Variants in PRSS22 observed in about 807,000 individuals in gnomAD.
PRSS22 encodes brain-specific serine protease 4.
In PRSS22, 26 loss-of-function variants were observed where a neutral mutation model predicts 28.0. That is an observed-to-expected ratio of 0.93 (90% CI 0.68 to 1.29). The LOEUF is 1.29. Among genes scored for constraint, PRSS22 ranks in the 50% most tolerant of loss-of-function variants. PRSS22 has a pLI of 0.00. For synonymous variants in PRSS22, 217 were observed against 177.9 expected (o/e 1.22, Z -1.75); for missense variants, 444 against 422.1 (o/e 1.05, Z -0.46).
In PRSS22 at chr16:2,855,824, A is replaced by G; in HGVS notation, c.309T>C (p.Ser103=). ...CCAGCTGCCAGGCCCCCAGCAGCAC[A>G]GAGAACAGGTATGGTTTGTTCAGGT... The part of the protein sequence containing the change: ...KDNLNKPYLF[S]VLLGAWQLGN... The change falls in exon 4 of 6, where the codon TCT becomes TCC. Residue 103 remains serine, a synonymous_variant. Coordinates refer to ENST00000161006, the MANE Select transcript of PRSS22 (RefSeq NM_022119.4). The G allele has an allele frequency of 6.2e-7, 1 of 1,613,400 alleles. No individual in the cohort carries two copies. Among genetic ancestry groups the G allele is most frequent in the Non-Finnish European group, 8.5e-7 (1 of 1,179,986 alleles).
At chr16:2,854,242 T>C in intron 4 of PRSS22, 1 of 537,202 alleles carries the variant, frequency 1.9e-6, no homozygotes, top group South Asian at 2.7e-5. Flanking sequence ...CCTAAGACCC[T>C]ACCTCTTTAA....
Position 2,855,750 on chromosome 16 carries a change from G to T in PRSS22, c.383C>A (p.Pro128His). The T allele has an allele frequency of 6.2e-7, 1 of 1,614,152 alleles. No individual in the cohort carries two copies. The highest frequency in any genetic ancestry group is 8.5e-7 in the Non-Finnish European group (1 of 1,180,030). ...TTCCTTCCAGGAATACACAGGGTGG[G>T]GCTCCACCCAGGCAACACCCACCTT... ...SQKVGVAWVE[P>H]HPVYSWKEGA... Residue 128 changes from proline to histidine, a missense_variant, in exon 4 of 6, where the codon CCC becomes CAC. Transcript: ENST00000161006.
At chr16:2,854,943 C>G (rs1049035852) in intron 4 of PRSS22, among the ~76,000 whole-genome samples, 1 of 152,062 alleles carries the variant, frequency 6.6e-6, no homozygotes, top group Non-Finnish European at 1.5e-5. Context: ...TTATATTCAC[C>G]CTGTATTCAG....
At position 2,853,490 on chromosome 16, in the gene PRSS22, C is replaced by T. The variant is rs1041574422; in HGVS notation, c.718-161G>A. ...CTCCACCCAGGTGAGAAGTCCCCGG[C>T]GGCAGAGTAGGAGCTGCAGCCAGGC... On this transcript the variant is annotated intron_variant, in intron 5 of 5. Transcript: ENST00000161006. The surrounding 1 kb of genome is among the most constrained non-coding windows in gnomAD (Gnocchi z 4.6). 6.6e-6 allele frequency among the ~76,000 whole-genome samples: 1 copy of T among 152,208 alleles called. No individual in the cohort carries two copies. Among genetic ancestry groups the T allele is most frequent in the Non-Finnish European group, 1.5e-5 (1 of 68,026 alleles).
In PRSS22 at chr16:2,853,736, G is replaced by C; in HGVS notation, c.717+129C>G. The C allele has an allele frequency of 4.9e-6, 5 of 1,028,384 alleles. No individual in the cohort carries two copies. The highest frequency in any genetic ancestry group is 7.0e-6 in the Non-Finnish European group (5 of 714,854). 63.7% of individuals were successfully genotyped at this position (1,028,384 alleles called of 1,614,324 possible). A position where few individuals can be genotyped will look rare whatever the true frequency, so the allele number is the denominator to read the frequency against. On this transcript the variant is annotated intron_variant, in intron 5 of 5. Transcript: ENST00000161006. This position sits in a 1 kb window ranked among gnomAD's most constrained non-coding sequence, Gnocchi z 4.6. ...TGAGGCTGGTTCTATGGGGACCCGG[G>C]ACTGTCAGGCACAGCCAGTTCTGGG...
intron 4 of PRSS22, 76 bp from the exon 5 acceptor site, chr16:2,854,098 A>C (rs772413523): frequency 4.1e-5 from 63 of 1,524,574 alleles, no homozygotes; most frequent in Non-Finnish European, 5.5e-5. Flanking sequence ...ATTCCCCCCC[A>C]ACACCATTCC....
Position 2,855,508 on chromosome 16 carries a change from C to A in PRSS22, c.559+66G>T. On this transcript the variant is annotated intron_variant, in intron 4 of 5. Coordinates refer to ENST00000161006, the MANE Select transcript of PRSS22 (RefSeq NM_022119.4). ...CCTTTGTTGCTCATGGTGTCTGTGTCCCTGAGTGTCTGCCATCCTCTGTCC... is the reference window on the plus strand; with the variant it reads ...CCTTTGTTGCTCATGGTGTCTGTGTACCTGAGTGTCTGCCATCCTCTGTCC... 2.5e-6 allele frequency: 4 copies of A among 1,569,716 alleles called. No homozygotes were observed. The East Asian group carries it at 9.0e-5, about 35-fold the overall frequency.
chr16:2,852,979 TAGA>T lies in PRSS22; in HGVS notation c.*111_*113del. The T allele has an allele frequency of 3.6e-5, 1 of 28,012 alleles. No individual in the cohort carries two copies. Among genetic ancestry groups the T allele is most frequent in the Non-Finnish European group, 8.6e-5 (1 of 11,594 alleles). 1.7% of individuals were successfully genotyped at this position (28,012 alleles called of 1,614,324 possible). A position where few individuals can be genotyped will look rare whatever the true frequency, so the allele number is the denominator to read the frequency against. On this transcript the variant is annotated 3_prime_UTR_variant, in exon 6 of 6. Transcript: ENST00000161006. ...CAGCAGCCGTCCGGGCCCCCAGAGGTAGAGGTAGATGAGCCTATTTACGGCGGG... is the reference window on the plus strand; with the variant it reads ...CAGCAGCCGTCCGGGCCCCCAGAGGTGGTAGATGAGCCTATTTACGGCGGG...
rs879257097 is a variant in PRSS22, at chr16:2,856,206, C to T, written c.157G>A (p.Gly53Ser). The T allele has an allele frequency of 9.9e-6, 16 of 1,613,640 alleles. No homozygotes were observed. The highest frequency in any genetic ancestry group is 4.5e-5 in the East Asian group (2 of 44,892). Reference sequence around the variant, plus strand: ...CACTCGCTGTCAGTGCTGTCCTCGCCGCCCACAACCCGGTTCAGCTGCTGG... The same window carrying T: ...CACTCGCTGTCAGTGCTGTCCTCGCTGCCCACAACCCGGTTCAGCTGCTGG... ...KPQQLNRVVG[G>S]EDSTDSEWPW... The change falls in exon 3 of 6, where the codon GGC (glycine) becomes AGC (serine). Residue 53 changes from glycine to serine, a missense_variant. Physicochemically the swap from Gly to Ser is moderately conservative, Grantham distance 56. Transcript: ENST00000161006.
intron 2 of PRSS22, among the ~76,000 whole-genome samples, 190 bp from the exon 3 acceptor site, chr16:2,856,443 A>T (rs2150828932): frequency 6.6e-6 from 1 of 150,626 alleles, no homozygotes; most frequent in South Asian, 2.1e-4. Flanking sequence ...CCCACATCCT[A>T]AGCTCCACCC....
Position 2,853,257 on chromosome 16 carries a change from C to T in PRSS22, c.790G>A (p.Glu264Lys), listed in dbSNP as rs1166390742. The change falls in exon 6 of 6, where the codon GAG (glutamate) becomes AAG (lysine). Residue 264 changes from glutamate (E) to lysine (K), a missense_variant. Glu to Lys is a moderately conservative substitution (Grantham distance 56). Transcript: ENST00000161006. The surrounding 1 kb of genome is among the most constrained non-coding windows in gnomAD (Gnocchi z 4.6). ...WLLAGIISWG[E>K]GCAERNRPGV... Reference sequence around the variant, plus strand: ...GGCCTGTTGCGCTCGGCACAGCCCTCGCCCCAGCTGATGATGCCGGCCAGC... The same window carrying T: ...GGCCTGTTGCGCTCGGCACAGCCCTTGCCCCAGCTGATGATGCCGGCCAGC... 9 of 1,600,830 alleles carry T rather than the reference C, an allele frequency of 5.6e-6. No individual in the cohort carries two copies. The highest frequency in any genetic ancestry group is 1.1e-5 in the South Asian group (1 of 91,062).
At chr16:2,857,741 GGACGAGGA>G (rs2069476132) in intron 1 of PRSS22, 1 of 324,428 alleles carries the variant, frequency 3.1e-6, no homozygotes, top group Admixed American at 5.0e-5. Context: ...AAGCAGCGGA[GGACGAGGA>G]GATGGGAGAA....
rs754002821 is a variant in PRSS22, at chr16:2,853,174, C to A, written c.873G>T (p.Gly291=). 11 of 1,599,332 alleles carry A rather than the reference C, an allele frequency of 6.9e-6. No homozygotes were observed. In the African/African-American group the frequency reaches 1.3e-4, roughly 19 times the overall value. ...CCTGAGCGCGCCCGCGGAGCTGCAC[C>A]CCTTGCACGATCTTCTCCACCCAGG... The part of the protein sequence containing the change: ...HRSWVEKIVQ[G]VQLRGRAQGG... Residue 291 remains glycine (G), a synonymous_variant, in exon 6 of 6, where the codon GGG becomes GGT. Transcript: ENST00000161006. The surrounding 1 kb of genome is among the most constrained non-coding windows in gnomAD (Gnocchi z 4.6).
chr16:2,852,939 G>C lies in PRSS22; in HGVS notation c.*154C>G. On this transcript the variant is annotated 3_prime_UTR_variant, in exon 6 of 6. Transcript: ENST00000161006. ...TGAGGCCGTCGGGCGGGTCGGGGAG[G>C]GGGTTTCCTTTCCGCAGCAGCCGTC... 1.6e-6 allele frequency: 1 copy of C among 615,490 alleles called. No individual in the cohort carries two copies. Among genetic ancestry groups the C allele is most frequent in the Non-Finnish European group, 2.7e-6 (1 of 365,118 alleles). The allele number at this position is 615,490 out of a possible 1,614,324, so 38.1% of individuals were successfully genotyped here. A position where few individuals can be genotyped will look rare whatever the true frequency, so the allele number is the denominator to read the frequency against.
rs945951862 is a variant in PRSS22 at position 2,854,138 on chromosome 16, A to G, written c.560-116T>C. On this transcript the variant is annotated intron_variant, in intron 4 of 5. Coordinates refer to ENST00000161006, the MANE Select transcript of PRSS22 (RefSeq NM_022119.4). ...AGCAGCGGTTCTCAAAGGCTAACAG[A>G]TTAGCTCTACCAGTCTCTCCCAAGA... 6.6e-6 allele frequency: 8 copies of G among 1,203,188 alleles called. No homozygotes were observed. The African/African-American group carries it at 1.0e-4, about 16-fold the overall frequency. 74.5% of individuals were successfully genotyped at this position (1,203,188 alleles called of 1,614,324 possible). A position where few individuals can be genotyped will look rare whatever the true frequency, so the allele number is the denominator to read the frequency against.
Position 2,853,464 on chromosome 16 carries a change from G to A in PRSS22, c.718-135C>T. ...CCTTCCTGGAGGAGACAGGACCTGA[G>A]CTCCACCCAGGTGAGAAGTCCCCGG... On this transcript the variant is annotated intron_variant, in intron 5 of 5. Coordinates refer to ENST00000161006, the MANE Select transcript of PRSS22 (RefSeq NM_022119.4). This position sits in a 1 kb window ranked among gnomAD's most constrained non-coding sequence, Gnocchi z 4.6. The A allele has an allele frequency of 1.4e-6, 1 of 732,684 alleles. No individual in the cohort carries two copies. Among genetic ancestry groups the A allele is most frequent in the South Asian group, 1.8e-5 (1 of 54,136 alleles). The allele number at this position is 732,684 out of a possible 1,614,324, so 45.4% of individuals were successfully genotyped here.
chr16:2,854,847 G>T (rs2069439802), intron 4 of PRSS22, among the ~76,000 whole-genome samples: 1 of 152,048 alleles, frequency 6.6e-6, no homozygotes, highest in Non-Finnish European at 1.5e-5. Context: ...AATTAAGGTG[G>T]CTGCATTTTC....
chr16:2,856,209 C>G lies in PRSS22; in HGVS notation c.154G>C (p.Gly52Arg). Residue 52 changes from glycine to arginine, a missense_variant, in exon 3 of 6, where the codon GGC becomes CGC. Coordinates refer to ENST00000161006, the MANE Select transcript of PRSS22 (RefSeq NM_022119.4). The part of the protein sequence containing the change: ...GKPQQLNRVV[G>R]GEDSTDSEWP... ...TCGCTGTCAGTGCTGTCCTCGCCGC[C>G]CACAACCCGGTTCAGCTGCTGGGGC... 1 of 1,613,740 alleles carries G rather than the reference C, an allele frequency of 6.2e-7. No homozygotes were observed. The highest frequency in any genetic ancestry group is 8.5e-7 in the Non-Finnish European group (1 of 1,179,934).
intron 4 of PRSS22, 80 bp downstream of exon 4, chr16:2,855,494 C>T (rs1003054140): frequency 1.3e-5 from 19 of 1,518,244 alleles, no homozygotes; most frequent in Non-Finnish European, 1.6e-5. Flanking sequence ...CTTTGTTGCT[C>T]ATGGTGTCTG....
Sources: gnomAD v4.1 joint callset for allele counts (sites outside exome capture counted in the v4.1 genomes callset) on GRCh38, gnomAD v4.1.1 for gene constraint, Gnocchi (gnomAD v3.1) non-coding constraint, MANE v1.5 for transcripts, NCBI Gene and HGNC (gene_info 2026-07-23, HGNC 2026-07-21) for gene names.